Variants in DMPK observed in about 807,000 individuals in gnomAD.
DMPK encodes myotonin-protein kinase.
DMPK carries 32 observed loss-of-function variants against 70.3 expected under a neutral mutation model. The observed-to-expected ratio is 0.46, with a 90% CI of 0.34 to 0.61. The LOEUF is 0.61. DMPK is among the 20% of genes least tolerant of loss of function. The pLI is 0.01. For missense variants in DMPK, 899 were observed against 886.0 expected (o/e 1.01, Z -0.19); for synonymous variants, 469 against 390.9 (o/e 1.20, Z -2.36).
rs1368723746 is a variant in DMPK at position 45,770,490 on chromosome 19, A to G, written c.1888T>C (p.Ter630ArgextTer45). 2.6e-6 allele frequency: 4 copies of G among 1,550,282 alleles called. No homozygotes were observed. The highest frequency in any genetic ancestry group is 3.5e-6 in the Non-Finnish European group (4 of 1,146,794). The change falls in exon 15 of 15, where the codon TGA becomes CGA. Residue 630 changes from the stop codon to arginine (R), a stop_lost. Transcript: ENST00000291270. ...WRRPGAARAP[*>R] ...GGAGTCGAAGACAGTTCTAGGGTTCAGGGAGCGCGGGCGGCTCCTGGGCGG... is the reference window on the plus strand; with the variant it reads ...GGAGTCGAAGACAGTTCTAGGGTTCGGGGAGCGCGGGCGGCTCCTGGGCGG...
chr19:45,780,358 C>T (rs1157733630), intron 1 of DMPK: 1 of 1,511,578 alleles, frequency 6.6e-7, no homozygotes, highest in Non-Finnish European at 8.9e-7. Context: ...TTGAACCACA[C>T]TTTGGAAAAC....
In DMPK at chr19:45,770,652, G is replaced by C. The variant is rs1003924058; in HGVS notation, c.1738-12C>G. ...CCAGGCCTAGGGACCTGCGGGGAGA[G>C]GGCGAGGTCAACACCCGGCATGGGC... On this transcript the variant is annotated splice_polypyrimidine_tract_variant and intron_variant, in intron 14 of 14. Coordinates refer to ENST00000291270, the MANE Select transcript of DMPK (RefSeq NM_004409.5). The C allele has an allele frequency of 1.9e-6, 3 of 1,550,104 alleles. No homozygotes were observed. Among genetic ancestry groups the C allele is most frequent in the East Asian group, 4.9e-5 (2 of 40,928 alleles).
rs977742359 is a variant in DMPK, at chr19:45,779,129, C to T, written c.432+135G>A. Reference sequence around the variant, plus strand: ...GCCCCTCATCCACCTGACACACCCTCTTACCGCACACAGACTTTCCCACAG... The same window carrying T: ...GCCCCTCATCCACCTGACACACCCTTTTACCGCACACAGACTTTCCCACAG... On this transcript the variant is annotated intron_variant, in intron 4 of 14. Coordinates refer to ENST00000291270, the MANE Select transcript of DMPK (RefSeq NM_004409.5). 6.8e-6 allele frequency: 6 copies of T among 879,490 alleles called. No individual in the cohort carries two copies. In the African/African-American group the frequency reaches 8.2e-5, roughly 12 times the overall value. The allele number at this position is 879,490 out of a possible 1,614,324, so 54.5% of individuals were successfully genotyped here.
At chr19:45,778,100 T>C in intron 6 of DMPK, 27 bp downstream of exon 6, 2 of 1,572,844 alleles carry the variant, frequency 1.3e-6, no homozygotes, top group East Asian at 4.6e-5. Context: ...CAGCCCCAGT[T>C]GCTCTGTGGC....
intron 8 of DMPK, chr19:45,776,631 A>G (rs1302374096): frequency 6.6e-6 from 1 of 152,266 alleles, no homozygotes; most frequent in Admixed American, 6.5e-5. Flanking sequence ...CAATTTTTAA[A>G]ACATTTTTGT....
chr19:45,780,132 G>A, intron 1 of DMPK: 1 of 1,442,102 alleles, frequency 6.9e-7, no homozygotes, highest in Non-Finnish European at 9.1e-7. Context: ...TGTGCAGGAT[G>A]GTTAGGGTGG....
intron 9 of DMPK, among the ~76,000 whole-genome samples, chr19:45,773,258 C>T (rs929076458): frequency 6.6e-6 from 1 of 152,236 alleles, no homozygotes; most frequent in East Asian, 1.9e-4. Flanking sequence ...TCCCCTCCAA[C>T]CCAGCAGTCC....
rs531886633 is a variant in DMPK at position 45,775,728 on chromosome 19, G to C, written c.1147-694C>G. ...ACACAGGGTTTCACCATGTTGGCCA[G>C]GCTGGTCTTGAACTCCTGACTTCCA... On this transcript the variant is annotated intron_variant, in intron 8 of 14. Transcript: ENST00000291270. Among the ~76,000 whole-genome samples the C allele has an allele frequency of 2.6e-3, 286 of 111,168 alleles. 65 individuals are homozygous for C. Among genetic ancestry groups the C allele is most frequent in the African/African-American group, 8.5e-3 (278 of 32,888 alleles). 72.9% of individuals were successfully genotyped at this position (111,168 alleles called of 152,430 possible). A position where few individuals can be genotyped will look rare whatever the true frequency, so the allele number is the denominator to read the frequency against.
chr19:45,778,534 G>A lies in DMPK; in HGVS notation c.540C>T (p.Val180=). ...GCCGGTGCACCGAGTCTATGGCCAT[G>A]ACAATCTCCGCCAGGTAGAAGCGCG... ...EMARFYLAEI[V]MAIDSVHRLG... The change falls in exon 5 of 15, where the codon GTC becomes GTT. Residue 180 remains valine, a synonymous_variant. Transcript: ENST00000291270. 1 of 1,613,964 alleles carries A rather than the reference G, an allele frequency of 6.2e-7. No homozygotes were observed. Among genetic ancestry groups the A allele is most frequent in the South Asian group, 1.1e-5 (1 of 91,090 alleles).
chr19:45,772,684 T>C lies in DMPK; in HGVS notation c.1301A>G (p.Gln434Arg). The C allele has an allele frequency of 1.3e-6, 2 of 1,532,214 alleles. No homozygotes were observed. Among genetic ancestry groups the C allele is most frequent in the Non-Finnish European group, 1.7e-6 (2 of 1,150,258 alleles). The allele number at this position is 1,532,214 out of a possible 1,614,324, so 94.9% of individuals were successfully genotyped here. ...CACCGAGGGCTCCAGGCTGGGCGCT[T>C]GCACGTGTGGCTCAAGCAGCTGCTC... is the stretch of plus-strand genomic sequence containing the variant. ...EAEQLLEPHVQAPSLEPSVSP... is the reference protein window; with the variant it reads ...EAEQLLEPHVRAPSLEPSVSP... The change falls in exon 10 of 15, where the codon CAA becomes CGA. Residue 434 changes from glutamine to arginine, a missense_variant. By Grantham distance (43) the Gln-to-Arg change is conservative (BLOSUM62 1). Transcript: ENST00000291270.
rs1439668488 is a variant in DMPK, at chr19:45,777,304, G to A, written c.1146+23C>T. 39 of 1,540,476 alleles carry A rather than the reference G, an allele frequency of 2.5e-5. No homozygotes were observed. Among genetic ancestry groups the A allele is most frequent in the Middle Eastern group, 1.8e-4 (1 of 5,476 alleles). On this transcript the variant is annotated intron_variant, in intron 8 of 14. Coordinates refer to ENST00000291270, the MANE Select transcript of DMPK (RefSeq NM_004409.5). This position sits in a 1 kb window ranked among gnomAD's most constrained non-coding sequence, Gnocchi z 6.7. ...GGAGCATGGGGAGGTTCCCGCAGCC[G>A]AGCAGGGGCCACAGGTACCTACCCC...
Position 45,771,039 on chromosome 19 carries a change from C to T in DMPK, c.1669G>A (p.Ala557Thr), listed in dbSNP as rs1260997657. 6.6e-7 allele frequency: 1 copy of T among 1,507,560 alleles called. No individual in the cohort carries two copies. The highest frequency in any genetic ancestry group is 2.2e-5 in the Admixed American group (1 of 45,094). The allele number at this position is 1,507,560 out of a possible 1,614,324, so 93.4% of individuals were successfully genotyped here. A position where few individuals can be genotyped will look rare whatever the true frequency, so the allele number is the denominator to read the frequency against. ...CCCACCAGCGGGCACTGGCCCACAG[C>T]CACGGCCGGGGGGCCATCTAGCTGG... is the stretch of plus-strand genomic sequence containing the variant. ...PSHLDGPPAV[A>T]VGQCPLVGPG... The change falls in exon 14 of 15, where the codon GCT (alanine) becomes ACT (threonine). Residue 557 changes from alanine (A) to threonine (T), a missense_variant. Coordinates refer to ENST00000291270, the MANE Select transcript of DMPK (RefSeq NM_004409.5).
At chr19:45,778,902 A>C in intron 4 of DMPK, 2 of 553,872 alleles carry the variant, frequency 3.6e-6, no homozygotes, top group Admixed American at 6.6e-5. Flanking sequence ...ATGTTCTGGG[A>C]AAGAGAACCC....
intron 3 of DMPK, 35 bp from the exon 4 acceptor site, chr19:45,779,394 G>A (rs772207631): frequency 5.5e-5 from 89 of 1,613,748 alleles, no homozygotes; most frequent in Non-Finnish European, 6.1e-5. Context: ...AGCCGGAGAC[G>A]GGGCGCGGAT....
intron 11 of DMPK, 41 bp from the exon 12 acceptor site, chr19:45,771,706 G>A: frequency 1.2e-6 from 2 of 1,611,768 alleles, no homozygotes; most frequent in African/African-American, 1.3e-5. Flanking sequence ...CGGGCCGGAC[G>A]AGAGGGGATG....
chr19:45,774,262 CTTT>C (rs34551308), intron 9 of DMPK, among the ~76,000 whole-genome samples: 7 of 122,096 alleles, frequency 5.7e-5, no homozygotes, highest in African/African-American at 6.3e-5. Flanking sequence ...TAAATAAATA[CTTT>C]TTTTTTTTTT....
chr19:45,769,876 G>A lies in DMPK; in HGVS notation c.*612C>T. The A allele has an allele frequency of 3.8e-6, 1 of 262,396 alleles. No individual in the cohort carries two copies. Among genetic ancestry groups the A allele is most frequent in the South Asian group, 4.2e-5 (1 of 23,974 alleles). 16.3% of individuals were successfully genotyped at this position (262,396 alleles called of 1,614,324 possible). A position where few individuals can be genotyped will look rare whatever the true frequency, so the allele number is the denominator to read the frequency against. ...AGCCTGTCAGCGAGTCGGAGGACGA[G>A]GTCAATAAATATCCAAACCGCCGAA... is the stretch of plus-strand genomic sequence containing the variant. On this transcript the variant is annotated 3_prime_UTR_variant, in exon 15 of 15. Transcript: ENST00000291270.
chr19:45,780,260 A>G, intron 1 of DMPK: 1 of 1,497,240 alleles, frequency 6.7e-7, no homozygotes, highest in Admixed American at 2.1e-5. Flanking sequence ...CCAGGGCCCC[A>G]CCCCCACGTT....
chr19:45,770,352 A>G lies in DMPK; in HGVS notation c.*136T>C. On this transcript the variant is annotated 3_prime_UTR_variant, in exon 15 of 15. Coordinates refer to ENST00000291270, the MANE Select transcript of DMPK (RefSeq NM_004409.5). ...CCCGGCCGCTAGGGGGCGGGCCCGG[A>G]TCACAGGACTGGAGCTGGGCGGAGA... 2 of 1,242,910 alleles carry G rather than the reference A, an allele frequency of 1.6e-6. No homozygotes were observed. The highest frequency in any genetic ancestry group is 2.3e-6 in the Non-Finnish European group (2 of 875,520). The allele number at this position is 1,242,910 out of a possible 1,614,324, so 77.0% of individuals were successfully genotyped here. A position where few individuals can be genotyped will look rare whatever the true frequency, so the allele number is the denominator to read the frequency against.
Sources: gnomAD v4.1 joint callset for allele counts (sites outside exome capture counted in the v4.1 genomes callset) on GRCh38, gnomAD v4.1.1 for gene constraint, Gnocchi (gnomAD v3.1) non-coding constraint, MANE v1.5 for transcripts, NCBI Gene and HGNC (gene_info 2026-07-23, HGNC 2026-07-21) for gene names.